MYO16: variants seen among roughly 807,000 people sequenced by gnomAD.
MYO16 encodes the protein unconventional myosin-XVI.
Under a neutral mutation model 205.3 loss-of-function variants are expected in MYO16, and 94 were observed. That is an observed-to-expected ratio of 0.46 (90% CI 0.39 to 0.54). The LOEUF is 0.54. Among genes scored for constraint, MYO16 ranks in the 20% least tolerant of loss-of-function variants. The pLI, the probability that MYO16 is intolerant of heterozygous loss-of-function variation, is 0.00. For synonymous variants in MYO16, 988 were observed against 954.0 expected (o/e 1.04, Z -0.66); for missense variants, 2,315 against 2,387.5 (o/e 0.97, Z 0.63).
chr13:109,023,727 A>G (rs1422403038), intron 23 of MYO16, among the ~76,000 whole-genome samples: 1 of 133,318 alleles, frequency 7.5e-6, no homozygotes, highest in African/African-American at 2.7e-5. Context: ...ATATGTATAT[A>G]TGCATATATA....
chr13:108,626,258 T>G (rs1213327778), upstream of MYO16, among the ~76,000 whole-genome samples: 1 of 152,150 alleles, frequency 6.6e-6, no homozygotes, highest in Non-Finnish European at 1.5e-5. Flanking sequence ...TATTCAAAAA[T>G]GAGTTTGAAA....
chr13:109,040,309 C>G (rs1220397357), intron 23 of MYO16, among the ~76,000 whole-genome samples: 2 of 150,066 alleles, frequency 1.3e-5, no homozygotes, highest in African/African-American at 2.4e-5. Flanking sequence ...CTCTCTAATT[C>G]ATTTGATAAA....
chr13:108,833,508 A>G (rs1354621016), intron 9 of MYO16, among the ~76,000 whole-genome samples: 1 of 152,200 alleles, frequency 6.6e-6, no homozygotes, highest in African/African-American at 2.4e-5. Flanking sequence ...CAAGTCACAC[A>G]TGCCATATCT....
intron 23 of MYO16, among the ~76,000 whole-genome samples, chr13:109,024,915 G>T (rs185555076): frequency 1.3e-5 from 2 of 152,234 alleles, no homozygotes; most frequent in East Asian, 3.9e-4. Context: ...TTCAAAAAAA[G>T]CAGCAACACA....
chr13:108,816,333 A>G (rs756662537), intron 7 of MYO16, among the ~76,000 whole-genome samples: 8 of 152,218 alleles, frequency 5.3e-5, no homozygotes, highest in Non-Finnish European at 1.0e-4. Context: ...GGGATGAAAT[A>G]TATGTAATAC....
chr13:108,763,064 C>T (rs1885661826), intron 4 of MYO16, among the ~76,000 whole-genome samples: 1 of 152,166 alleles, frequency 6.6e-6, no homozygotes, highest in Non-Finnish European at 1.5e-5. Context: ...TCCCAAATAA[C>T]TCCAGTGAAA....
chr13:108,923,146 C>T (rs912831478), intron 16 of MYO16, among the ~76,000 whole-genome samples: 6 of 152,174 alleles, frequency 3.9e-5, no homozygotes, highest in Non-Finnish European at 8.8e-5. Context: ...GACAGGAGCA[C>T]CTAGAGTAAG....
chr13:109,014,378 A>G (rs962308532), intron 22 of MYO16, among the ~76,000 whole-genome samples: 12 of 152,136 alleles, frequency 7.9e-5, no homozygotes, highest in Non-Finnish European at 1.0e-4. Context: ...GCCTTGTAGT[A>G]TACTTTGAAG....
At chr13:108,769,690 T>A (rs2138876092) in intron 4 of MYO16, among the ~76,000 whole-genome samples, 1 of 152,084 alleles carries the variant, frequency 6.6e-6, no homozygotes, top group South Asian at 2.1e-4. Context: ...AGAAAGACAG[T>A]TGGTGAGAAT....
At chr13:108,920,246 C>CA (rs1248295274) in intron 16 of MYO16, among the ~76,000 whole-genome samples, 18 of 152,282 alleles carry the variant, frequency 1.2e-4, no homozygotes, top group South Asian at 1.0e-3. Flanking sequence ...AATTCGCTTC[C>CA]AAAATAGACC....
At chr13:109,028,466 AT>A (rs1391312625) in intron 23 of MYO16, 5 of 243,446 alleles carry the variant, frequency 2.1e-5, no homozygotes, top group South Asian at 4.7e-5. Context: ...TGTAAAAAAA[AT>A]ATATATTCTT....
At chr13:108,988,287 A>G (rs1352874631) in intron 20 of MYO16, among the ~76,000 whole-genome samples, 1 of 152,186 alleles carries the variant, frequency 6.6e-6, no homozygotes, top group Non-Finnish European at 1.5e-5. Context: ...TATCCTGCCA[A>G]TGTTGCTATT....
intron 22 of MYO16, among the ~76,000 whole-genome samples, chr13:109,014,107 A>G (rs2139497025): frequency 6.6e-6 from 1 of 152,262 alleles, no homozygotes; most frequent in African/African-American, 2.4e-5. Context: ...TAGGTCTATC[A>G]TTTAAGTCTT....
chr13:108,903,261 T>C (rs548870624), intron 15 of MYO16, among the ~76,000 whole-genome samples: 12 of 152,224 alleles, frequency 7.9e-5, no homozygotes, highest in Non-Finnish European at 2.9e-5. Context: ...ATTGTTATAA[T>C]TATTCTGTTG....
At chr13:108,554,993 T>G in the MYO16 span, among the ~76,000 whole-genome samples, 1 of 152,160 alleles carries the variant, frequency 6.6e-6, no homozygotes, top group Non-Finnish European at 1.5e-5. Flanking sequence ...CTTATTTATT[T>G]ATTTATTCTA....
intron 32 of MYO16, among the ~76,000 whole-genome samples, chr13:109,160,015 G>C (rs73619962): frequency 6.6e-6 from 1 of 152,208 alleles, no homozygotes; most frequent in Non-Finnish European, 1.5e-5. Flanking sequence ...CTCGGCCTCA[G>C]TACAATGGAC....
chr13:108,727,333 A>C lies in MYO16; in HGVS notation c.364-107A>C, dbSNP rs1478650278. ...TTTTCCCAGGTTAGCTTCACCTCTC[A>C]ACTCCCAAAATTGGTATTGAAGTTT... On this transcript the variant is annotated intron_variant, in intron 3 of 34. Coordinates refer to ENST00000457511, the MANE Select transcript of MYO16 (RefSeq NM_001198950.3). The C allele has an allele frequency of 9.9e-6, 12 of 1,215,958 alleles. 1 individual carries two copies. The South Asian group carries it at 1.8e-4, about 19-fold the overall frequency. The allele number at this position is 1,215,958 out of a possible 1,614,324, so 75.3% of individuals were successfully genotyped here.
chr13:109,109,368 C>T (rs1217176611), intron 28 of MYO16, among the ~76,000 whole-genome samples: 1 of 152,162 alleles, frequency 6.6e-6, no homozygotes, highest in Non-Finnish European at 1.5e-5. Flanking sequence ...ACCAGTGGGA[C>T]TTTATGTGTC....
intron 20 of MYO16, among the ~76,000 whole-genome samples, chr13:108,987,999 T>G (rs753837504): frequency 6.6e-6 from 1 of 152,234 alleles, no homozygotes. Context: ...TTTACTAATA[T>G]GTCAATGCAA....
Sources: allele counts gnomAD v4.1 joint callset (sites outside exome capture counted in the v4.1 genomes callset), GRCh38; gene constraint gnomAD v4.1.1; transcripts MANE v1.5; gene names NCBI Gene and HGNC (gene_info 2026-07-23, HGNC 2026-07-21).